Variants in SLC2A9 observed in about 807,000 individuals in gnomAD.
SLC2A9 encodes solute carrier family 2, facilitated glucose transporter member 9.
SLC2A9 carries 39 observed loss-of-function variants against 50.6 expected under a neutral mutation model. That is an observed-to-expected ratio of 0.77 (90% CI 0.60 to 1.01). The LOEUF is 1.01. Among genes scored for constraint, SLC2A9 ranks in the 50% least tolerant of loss-of-function variants. The pLI is 0.00. For missense variants in SLC2A9, 686 were observed against 677.6 expected (o/e 1.01, Z -0.14); for synonymous variants, 324 against 276.9 (o/e 1.17, Z -1.69).
chr4:9,796,596 G>T (rs554272228), downstream of SLC2A9, among the ~76,000 whole-genome samples: 2 of 152,322 alleles, frequency 1.3e-5, no homozygotes, highest in South Asian at 2.1e-4. Context: ...AGGCTTTGTT[G>T]TGATGATGCT....
chr4:9,798,251 TC>T (rs1193718156), downstream of SLC2A9, among the ~76,000 whole-genome samples: 1 of 152,166 alleles, frequency 6.6e-6, no homozygotes, highest in Non-Finnish European at 1.5e-5. Flanking sequence ...GCAGGAGGCT[TC>T]CAGATTCTTG....
intron 6 of SLC2A9, among the ~76,000 whole-genome samples, chr4:9,925,079 G>A (rs1744656955): frequency 6.6e-6 from 1 of 152,156 alleles, no homozygotes; most frequent in Admixed American, 6.5e-5. Context: ...GGCATCTGGA[G>A]GCTCCCCCCA....
intron 3 of SLC2A9, among the ~76,000 whole-genome samples, chr4:9,989,878 T>C (rs12646380): frequency 0.074 from 11,285 of 151,948 alleles, 761 homozygotes; most frequent in East Asian, 0.39. Context: ...CTGCCTCCTC[T>C]GCTTGGAGAG....
intron 5 of SLC2A9, among the ~76,000 whole-genome samples, chr4:9,952,920 G>A (rs529681782): frequency 6.6e-6 from 1 of 152,258 alleles, no homozygotes; most frequent in South Asian, 2.1e-4. Context: ...GAAGCGGTCG[G>A]GTCATTTTCT....
At chr4:9,937,753 G>A (rs1445058146) in intron 6 of SLC2A9, among the ~76,000 whole-genome samples, 1 of 152,200 alleles carries the variant, frequency 6.6e-6, no homozygotes, top group Non-Finnish European at 1.5e-5. Context: ...CAGACAGCAG[G>A]GCCTGAAGAG....
intron 5 of SLC2A9, among the ~76,000 whole-genome samples, chr4:9,958,855 T>G (rs1302546079): frequency 6.7e-6 from 1 of 148,290 alleles, no homozygotes; most frequent in South Asian, 2.1e-4. Flanking sequence ...TTTTGTAAAT[T>G]TATTACCAGG....
chr4:9,873,596 G>A (rs1347383014), intron 10 of SLC2A9, among the ~76,000 whole-genome samples: 1 of 152,128 alleles, frequency 6.6e-6, no homozygotes, highest in Admixed American at 6.5e-5. Context: ...CTAGTCTGTG[G>A]GACAGTGATG....
At chr4:9,922,557 T>C (rs1327884146) in intron 6 of SLC2A9, among the ~76,000 whole-genome samples, 6 of 152,198 alleles carry the variant, frequency 3.9e-5, no homozygotes, top group Non-Finnish European at 4.4e-5. Flanking sequence ...AAGTGGGTGA[T>C]ACTGTTTCAG....
chr4:10,025,903 C>A, upstream of SLC2A9: 1 of 1,613,954 alleles, frequency 6.2e-7, no homozygotes, highest in Non-Finnish European at 8.5e-7. Context: ...AAAGGACTGA[C>A]CAATTTCTTT....
At chr4:9,864,301 C>G (rs1214257662) in intron 10 of SLC2A9, among the ~76,000 whole-genome samples, 3 of 150,622 alleles carry the variant, frequency 2.0e-5, no homozygotes, top group East Asian at 1.9e-4. Flanking sequence ...TTGATTTAGC[C>G]AAGACACTCA....
chr4:9,799,700 C>CCCTCA (rs1553813199), intron 3 of SLC2A9, among the ~76,000 whole-genome samples: 4 of 93,636 alleles, frequency 4.3e-5, no homozygotes, highest in Non-Finnish European at 8.5e-5. Flanking sequence ...GTACCCCCCC[C>CCCTCA]CCACCCAACT....
At chr4:9,961,954 CAT>C (rs1578100173) in intron 5 of SLC2A9, among the ~76,000 whole-genome samples, 1 of 152,248 alleles carries the variant, frequency 6.6e-6, no homozygotes, top group South Asian at 2.1e-4. Context: ...GGTCAAGAAA[CAT>C]ATGAAAAAAA....
At chr4:9,877,522 C>T (rs557930948) in intron 10 of SLC2A9, among the ~76,000 whole-genome samples, 14 of 152,322 alleles carry the variant, frequency 9.2e-5, no homozygotes, top group Middle Eastern at 3.4e-3. Flanking sequence ...AATGTTTGGA[C>T]GAATCCCAGG....
At chr4:9,997,429 GA>G (rs1758876734) in intron 2 of SLC2A9, among the ~76,000 whole-genome samples, 2 of 152,194 alleles carry the variant, frequency 1.3e-5, no homozygotes, top group South Asian at 4.1e-4. Flanking sequence ...GGTGGGCGCA[GA>G]GGCCCACACC....
intron 8 of SLC2A9, among the ~76,000 whole-genome samples, chr4:9,895,068 G>A (rs1041135687): frequency 6.6e-6 from 1 of 152,162 alleles, no homozygotes; most frequent in African/African-American, 2.4e-5. Context: ...CAATTTCAGA[G>A]TCAGAAAGTG....
In SLC2A9 at chr4:9,996,922, T is replaced by C. The variant is rs781541562; in HGVS notation, c.269A>G (p.Asn90Ser). ...TCCATGCCTTCTTTCCCATGACTCA[T>C]TGTAAAAGGCCTTGATGTACTGAAA... ...APTPYIKAFY[N>S]ESWERRHGRP... Residue 90 changes from asparagine (N) to serine (S), a missense_variant, in exon 3 of 12, where the codon AAT becomes AGT. Transcript: ENST00000264784. 26 of 1,614,108 alleles carry C rather than the reference T, an allele frequency of 1.6e-5. No individual in the cohort carries two copies. Among genetic ancestry groups the C allele is most frequent in the South Asian group, 3.3e-5 (3 of 91,084 alleles).
chr4:9,840,110 G>A (rs934176330), intron 10 of SLC2A9, among the ~76,000 whole-genome samples: 13 of 152,020 alleles, frequency 8.6e-5, no homozygotes, highest in African/African-American at 2.7e-4. Flanking sequence ...ATTTTTTCAA[G>A]AGCACATCAC....
intron 3 of SLC2A9, chr4:9,781,964 G>C: frequency 2.3e-6 from 3 of 1,333,078 alleles, no homozygotes; most frequent in Non-Finnish European, 2.9e-6. Context: ...GCCCGATGGG[G>C]CTGCCTGGGG....
At chr4:9,985,248 A>T (rs774700834) in intron 4 of SLC2A9, among the ~76,000 whole-genome samples, 24 of 152,330 alleles carry the variant, frequency 1.6e-4, no homozygotes, top group Non-Finnish European at 2.6e-4. Context: ...ATAGTGTGCC[A>T]GCCCTCGCAG....
Sources: gnomAD v4.1 joint callset for allele counts (sites outside exome capture counted in the v4.1 genomes callset) on GRCh38, gnomAD v4.1.1 for gene constraint, MANE v1.5 for transcripts, NCBI Gene and HGNC (gene_info 2026-07-23, HGNC 2026-07-21) for gene names.